The following ALG5 variants were observed in gnomAD, a reference collection of about 807,000 sequenced individuals.
The protein encoded by ALG5 is dolichyl-phosphate beta-glucosyltransferase.
ALG5 carries 26 observed loss-of-function variants against 51.8 expected under a neutral mutation model. That is an observed-to-expected ratio of 0.50 (90% CI 0.37 to 0.70). The LOEUF (loss-of-function observed/expected upper bound fraction) is 0.70, where lower values mean the gene tolerates loss of function less well. Among genes scored for constraint, ALG5 ranks in the 30% least tolerant of loss-of-function variants. ALG5 has a pLI of 0.00. For missense variants in ALG5, 311 were observed against 399.3 expected (o/e 0.78, Z 1.88); for synonymous variants, 141 against 136.1 (o/e 1.04, Z -0.25).
intron 6 of ALG5, among the ~76,000 whole-genome samples, chr13:36,972,991 C>CAA (rs375217175): frequency 0.5 from 53,715 of 108,400 alleles, 13,544 homozygotes; most frequent in Non-Finnish European, 0.52. Flanking sequence ...GACTCCGTCT[C>CAA]AAAAAAAAAA....
intron 1 of ALG5, among the ~76,000 whole-genome samples, chr13:36,998,166 G>A (rs1214976897): frequency 1.3e-5 from 2 of 151,998 alleles, no homozygotes; most frequent in Admixed American, 1.3e-4. Context: ...TTCAATCTAA[G>A]AATGTGTGAA....
chr13:36,952,096 T>G (rs561556359), intron 9 of ALG5, among the ~76,000 whole-genome samples: 1 of 152,176 alleles, frequency 6.6e-6, no homozygotes, highest in African/African-American at 2.4e-5. Flanking sequence ...ATAAAAAAAA[T>G]TTTTATTTCT....
At chr13:36,971,955 A>G (rs535463595) in intron 7 of ALG5, 22 bp downstream of exon 7, 1 of 1,586,876 alleles carries the variant, frequency 6.3e-7, no homozygotes, top group East Asian at 2.3e-5. Context: ...TGGCTGTCCC[A>G]TGCCAATTAA....
At chr13:36,952,239 A>T (rs2138775897) in intron 9 of ALG5, among the ~76,000 whole-genome samples, 1 of 152,322 alleles carries the variant, frequency 6.6e-6, no homozygotes, top group Admixed American at 6.5e-5. Context: ...ATTTCAGATC[A>T]CCATGACTTT....
Position 36,985,622 on chromosome 13 carries a change from C to G in ALG5, c.561+5G>C. On this transcript the variant is annotated splice_donor_5th_base_variant and intron_variant, in intron 6 of 9. Coordinates refer to ENST00000239891, the MANE Select transcript of ALG5 (RefSeq NM_013338.5). ...ATGTTATTTAAACTACATTCTTATA[C>G]TCACAGGCCAAGGCTGTAGATCATT... The G allele has an allele frequency of 6.2e-7, 1 of 1,605,188 alleles. No homozygotes were observed. The highest frequency in any genetic ancestry group is 8.5e-7 in the Non-Finnish European group (1 of 1,174,372).
intron 1 of ALG5, among the ~76,000 whole-genome samples, chr13:36,995,899 A>G (rs1190855693): frequency 2.0e-5 from 3 of 152,188 alleles, no homozygotes; most frequent in Non-Finnish European, 4.4e-5. Flanking sequence ...CAGTCACTAC[A>G]GGAAGACCAG....
chr13:36,996,596 G>A (rs1294089854), intron 1 of ALG5, among the ~76,000 whole-genome samples: 3 of 152,034 alleles, frequency 2.0e-5, no homozygotes, highest in Non-Finnish European at 4.4e-5. Flanking sequence ...TACTGCAATG[G>A]ATCAAACCAT....
Position 36,965,666 on chromosome 13 carries a change from C to G in ALG5, c.682G>C (p.Val228Leu), listed in dbSNP as rs764968210. 1 of 1,613,730 alleles carries G rather than the reference C, an allele frequency of 6.2e-7. No individual in the cohort carries two copies. Among genetic ancestry groups the G allele is most frequent in the Non-Finnish European group, 8.5e-7 (1 of 1,179,680 alleles). Residue 228 changes from valine (V) to leucine (L), a missense_variant, in exon 8 of 10, where the codon GTC (valine) becomes CTC (leucine). Coordinates refer to ENST00000239891, the MANE Select transcript of ALG5 (RefSeq NM_013338.5). Reference sequence around the variant, plus strand: ...CACTGTGTGTCCCTGATTCCTTTGACACAAAGGAACCACACCAGAAAGTGG... The same window carrying G: ...CACTGTGTGTCCCTGATTCCTTTGAGACAAAGGAACCACACCAGAAAGTGG... ...GFHFLVWFLCVKGIRDTQCGF... is the reference protein window; with the variant it reads ...GFHFLVWFLCLKGIRDTQCGF...
chr13:36,973,136 TAAA>T (rs1405872296), intron 6 of ALG5, among the ~76,000 whole-genome samples: 2 of 111,118 alleles, frequency 1.8e-5, no homozygotes, highest in Admixed American at 1.8e-4. Context: ...GGTGAGAAAA[TAAA>T]AAAATTTTTA....
chr13:36,995,279 T>G, intron 2 of ALG5, 146 bp downstream of exon 2: 1 of 911,860 alleles, frequency 1.1e-6, no homozygotes, highest in East Asian at 2.6e-5. Flanking sequence ...CACTTCCCTC[T>G]CTGCCGAACT....
rs186040094 is a variant in ALG5 at position 36,992,210 on chromosome 13, A to C, written c.354+1394T>G. Among the ~76,000 whole-genome samples, 235 of 152,328 alleles carry C rather than the reference A, an allele frequency of 1.5e-3. 1 individual carries two copies. Among genetic ancestry groups the C allele is most frequent in the African/African-American group, 5.3e-3 (219 of 41,578 alleles). On this transcript the variant is annotated intron_variant, in intron 4 of 9. Coordinates refer to ENST00000239891, the MANE Select transcript of ALG5 (RefSeq NM_013338.5). The stretch of plus-strand genomic sequence containing the variant: ...ACATAGTGCTCTAATTATTTGATGC[A>C]TATTTCCAGTATTATTAATAGATGT...
intron 9 of ALG5, among the ~76,000 whole-genome samples, chr13:36,951,674 T>C (rs1157361598): frequency 6.6e-6 from 1 of 152,258 alleles, no homozygotes; most frequent in Non-Finnish European, 1.5e-5. Context: ...TTAAGATTTA[T>C]GATAGATTTC....
At chr13:36,965,425 AAAGT>A in intron 8 of ALG5, 146 bp downstream of exon 8, 1 of 799,548 alleles carries the variant, frequency 1.3e-6, no homozygotes, top group Non-Finnish European at 1.9e-6. Flanking sequence ...CAACTCAGGA[AAAGT>A]ATAAAGGCAA....
chr13:36,950,368 C>T (rs536470150), intron 9 of ALG5, among the ~76,000 whole-genome samples: 2 of 152,250 alleles, frequency 1.3e-5, no homozygotes, highest in South Asian at 2.1e-4. Context: ...AAACTACTCA[C>T]TGAGTGCTCA....
chr13:36,959,460 A>T (rs1229799598), intron 8 of ALG5, among the ~76,000 whole-genome samples: 1 of 152,200 alleles, frequency 6.6e-6, no homozygotes, highest in East Asian at 1.9e-4. Flanking sequence ...AACATATGCA[A>T]CTATAATTTG....
chr13:36,961,274 G>T (rs754930474), intron 8 of ALG5, among the ~76,000 whole-genome samples: 3 of 152,042 alleles, frequency 2.0e-5, no homozygotes, highest in South Asian at 4.1e-4. Context: ...AATTAGCTGG[G>T]CGTGATGGCA....
At chr13:36,988,479 T>C (rs2059011678) in intron 5 of ALG5, among the ~76,000 whole-genome samples, 1 of 152,196 alleles carries the variant, frequency 6.6e-6, no homozygotes, top group African/African-American at 2.4e-5. Flanking sequence ...TGGCGTGCTG[T>C]TTTCTCAAGT....
chr13:36,983,313 T>C (rs1253809129), intron 6 of ALG5, among the ~76,000 whole-genome samples: 2 of 152,256 alleles, frequency 1.3e-5, no homozygotes, highest in Admixed American at 6.5e-5. Flanking sequence ...ACTTTATGAA[T>C]GAGATTTTCC....
chr13:36,995,661 A>G (rs1471767130), intron 1 of ALG5, 65 bp from the exon 2 acceptor site: 3 of 1,401,078 alleles, frequency 2.1e-6, no homozygotes, highest in Non-Finnish European at 2.9e-6. Context: ...TTCTGTATTT[A>G]TGTTAGAATA....
Sources: gnomAD v4.1 joint callset for allele counts (sites outside exome capture counted in the v4.1 genomes callset) on GRCh38, gnomAD v4.1.1 for gene constraint, MANE v1.5 for transcripts, NCBI Gene and HGNC (gene_info 2026-07-23, HGNC 2026-07-21) for gene names.